Variants in KCNB2 observed in about 807,000 individuals in gnomAD.
KCNB2 encodes potassium voltage-gated channel subfamily B member 2.
KCNB2 carries 15 observed loss-of-function variants against 61.5 expected under a neutral mutation model. The ratio of observed to expected loss-of-function variants is 0.24; its 90% CI spans 0.16 to 0.38. KCNB2 has a LOEUF of 0.38. Among genes scored for constraint, KCNB2 ranks in the 10% least tolerant of loss-of-function variants. KCNB2 has a pLI of 1.00. For synonymous variants in KCNB2, 457 were observed against 446.0 expected, an observed-to-expected ratio of 1.02 and a Z score of -0.31; for missense variants, 828 against 1,125.2, an observed-to-expected ratio of 0.74 and a Z score of 3.78.
chr8:72,874,345 C>G (rs1805668429), intron 2 of KCNB2, among the ~76,000 whole-genome samples: 1 of 152,094 alleles, frequency 6.6e-6, no homozygotes, highest in Non-Finnish European at 1.5e-5. Context: ...TTTACTCCAG[C>G]CATGATGAAC....
At chr8:72,568,415 A>C in intron 2 of KCNB2, 102 bp downstream of exon 2, 1 of 960,390 alleles carries the variant, frequency 1.0e-6, no homozygotes, top group Non-Finnish European at 1.6e-6. Flanking sequence ...ACACAGAACA[A>C]AGTGTGGCTA....
At chr8:72,863,059 C>A (rs1193328909) in intron 2 of KCNB2, among the ~76,000 whole-genome samples, 1 of 152,138 alleles carries the variant, frequency 6.6e-6, no homozygotes, top group Admixed American at 6.5e-5. Context: ...TTTTTAATTA[C>A]AATATAATGT....
intron 2 of KCNB2, among the ~76,000 whole-genome samples, chr8:72,906,979 AGT>A (rs1186427020): frequency 6.6e-6 from 1 of 152,198 alleles, no homozygotes. Flanking sequence ...CTTACTGATA[AGT>A]GTGTGTTTCT....
chr8:72,834,840 C>T (rs573562097), intron 2 of KCNB2, among the ~76,000 whole-genome samples: 20 of 152,284 alleles, frequency 1.3e-4, no homozygotes, highest in African/African-American at 3.1e-4. Flanking sequence ...AGTATAATTT[C>T]GGAAGTCATG....
At chr8:72,660,581 A>T (rs918221412) in intron 2 of KCNB2, 1 of 152,220 alleles carries the variant, frequency 6.6e-6, no homozygotes, top group African/African-American at 2.4e-5. Flanking sequence ...TGTCTGATTT[A>T]ATCTCTCTTT....
chr8:72,608,456 A>G (rs970267467), intron 2 of KCNB2, among the ~76,000 whole-genome samples: 29 of 152,148 alleles, frequency 1.9e-4, no homozygotes, highest in African/African-American at 6.8e-4. Context: ...CAAGAGGGGA[A>G]ACAGAGAACA....
chr8:72,884,040 C>G (rs1805762162), intron 2 of KCNB2, among the ~76,000 whole-genome samples: 1 of 152,168 alleles, frequency 6.6e-6, no homozygotes, highest in South Asian at 2.1e-4. Flanking sequence ...CTTTGAGCAG[C>G]AATATATGAA....
At position 72,937,446 on chromosome 8, in the gene KCNB2, C is replaced by T. The variant is rs549207651; in HGVS notation, c.2091C>T (p.Thr697=). 15 of 1,613,912 alleles carry T rather than the reference C, an allele frequency of 9.3e-6. No individual in the cohort carries two copies. Among genetic ancestry groups the T allele is most frequent in the South Asian group, 5.5e-5 (5 of 91,062 alleles). The change falls in exon 3 of 3, where the codon ACC becomes ACT. Residue 697 remains threonine, a synonymous_variant. Transcript: ENST00000523207. ...LHSPLQSDNA[T]DSPKSSLKGS... is the part of the protein sequence containing the mutation. ...GTCCTTTGCAGTCTGACAATGCCAC[C>T]GACAGTCCTAAGAGCTCTCTAAAAG...
At chr8:72,678,957 C>A (rs1806708055) in intron 2 of KCNB2, among the ~76,000 whole-genome samples, 1 of 151,946 alleles carries the variant, frequency 6.6e-6, no homozygotes, top group African/African-American at 2.4e-5. Context: ...TGTGGTGATG[C>A]CCTTTGAGGA....
chr8:72,728,495 G>A (rs1807687171), intron 2 of KCNB2, among the ~76,000 whole-genome samples: 1 of 152,008 alleles, frequency 6.6e-6, no homozygotes, highest in Non-Finnish European at 1.5e-5. Context: ...ACAAACCAAT[G>A]AACACCTACA....
At position 72,725,531 on chromosome 8, in the gene KCNB2, A is replaced by G. The variant is rs60407661; in HGVS notation, c.579+157218A>G. Among the ~76,000 whole-genome samples the G allele has an allele frequency of 4.4e-3, 80 of 18,306 alleles. 2 individuals are homozygous for G. Among genetic ancestry groups the G allele is most frequent in the African/African-American group, 0.014 (62 of 4,534 alleles). 12.0% of individuals were successfully genotyped at this position (18,306 alleles called of 152,430 possible). ...TCTTCATATATATATATATATATAT[A>G]TATATATATGTGTGTATATATATAT... On this transcript the variant is annotated intron_variant, in intron 2 of 2. Coordinates refer to ENST00000523207, the MANE Select transcript of KCNB2 (RefSeq NM_004770.3).
chr8:72,809,455 C>CT (rs1197536768), intron 2 of KCNB2, among the ~76,000 whole-genome samples: 1 of 152,148 alleles, frequency 6.6e-6, no homozygotes, highest in Non-Finnish European at 1.5e-5. Context: ...AGTTACAGCT[C>CT]TTCTCCCTGG....
chr8:72,645,774 A>G (rs1221018375), intron 2 of KCNB2, among the ~76,000 whole-genome samples: 1 of 152,200 alleles, frequency 6.6e-6, no homozygotes, highest in Non-Finnish European at 1.5e-5. Context: ...TTCAAATGGA[A>G]ACATCAGTGA....
In KCNB2 at chr8:72,817,376, C is replaced by T. The variant is rs146025136; in HGVS notation, c.580-118559C>T. Among the ~76,000 whole-genome samples the T allele has an allele frequency of 6.3e-3, 959 of 152,230 alleles. 6 individuals carry two copies. The highest frequency in any genetic ancestry group is 9.7e-3 in the Non-Finnish European group (661 of 68,016). On this transcript the variant is annotated intron_variant, in intron 2 of 2. Transcript: ENST00000523207. Reference sequence around the variant, plus strand: ...AATAGACACTGCCTACTGCCTACTTCGGATGTCACTGTAATCAGAAAGAGA... The same window carrying T: ...AATAGACACTGCCTACTGCCTACTTTGGATGTCACTGTAATCAGAAAGAGA...
At chr8:72,634,907 C>T (rs1450357145) in intron 2 of KCNB2, among the ~76,000 whole-genome samples, 8 of 152,130 alleles carry the variant, frequency 5.3e-5, no homozygotes, top group Admixed American at 6.5e-5. Flanking sequence ...TTCCTTCATT[C>T]CCTCCTCTGC....
At chr8:72,738,222 C>T (rs1461303482) in intron 2 of KCNB2, among the ~76,000 whole-genome samples, 2 of 152,096 alleles carry the variant, frequency 1.3e-5, no homozygotes, top group Non-Finnish European at 2.9e-5. Flanking sequence ...TCCATGACAC[C>T]TCAAGAAAGG....
chr8:72,549,381 A>G (rs1302156104), intron 1 of KCNB2, among the ~76,000 whole-genome samples: 1 of 152,238 alleles, frequency 6.6e-6, no homozygotes, highest in East Asian at 1.9e-4. Context: ...TCTCATTCAC[A>G]TAACAATCAA....
At chr8:72,633,650 G>C (rs1805917027) in intron 2 of KCNB2, among the ~76,000 whole-genome samples, 2 of 152,110 alleles carry the variant, frequency 1.3e-5, no homozygotes, top group Admixed American at 1.3e-4. Context: ...CATTTTGGGA[G>C]CCCCCAGAAA....
chr8:72,874,716 G>C (rs1044154613), intron 2 of KCNB2: 1 of 152,236 alleles, frequency 6.6e-6, no homozygotes, highest in Admixed American at 6.5e-5. Flanking sequence ...AGGCCCAAAG[G>C]CCCTCATCAC....
Sources: allele counts gnomAD v4.1 joint callset (sites outside exome capture counted in the v4.1 genomes callset), GRCh38; gene constraint gnomAD v4.1.1; transcripts MANE v1.5; gene names NCBI Gene and HGNC (gene_info 2026-07-23, HGNC 2026-07-21).